ZNF528: variants seen among roughly 807,000 people sequenced by gnomAD.
ZNF528 encodes zinc finger protein 528.
ZNF528 carries 9 observed loss-of-function variants against 13.3 expected under a neutral mutation model. The ratio of observed to expected loss-of-function variants is 0.67; its 90% CI spans 0.41 to 1.18. The LOEUF (loss-of-function observed/expected upper bound fraction) is 1.18. Among genes scored for constraint, ZNF528 ranks in the 50% most tolerant of loss-of-function variants. ZNF528 has a pLI of 0.01. For missense variants in ZNF528, 858 were observed against 745.4 expected (o/e 1.15, Z -1.76); for synonymous variants, 264 against 254.3 (o/e 1.04, Z -0.36).
At chr19:52,407,816 A>G (rs888699278) in intron 6 of ZNF528, among the ~76,000 whole-genome samples, 3 of 151,974 alleles carry the variant, frequency 2.0e-5, no homozygotes, top group African/African-American at 4.8e-5. Context: ...GTTAATTTCA[A>G]CGTTACATGC....
intron 2 of ZNF528, among the ~76,000 whole-genome samples, chr19:52,400,542 G>A (rs2058780683): frequency 6.6e-6 from 1 of 151,880 alleles, no homozygotes; most frequent in African/African-American, 2.4e-5. Flanking sequence ...AATTTTTAGA[G>A]ACAAGGTCTT....
At chr19:52,412,992 C>T (rs917420983) in intron 6 of ZNF528, 5 of 152,200 alleles carry the variant, frequency 3.3e-5, no homozygotes, top group Non-Finnish European at 5.9e-5. Flanking sequence ...TTTGCATTCT[C>T]AAAAGCTAAA....
intron 2 of ZNF528, among the ~76,000 whole-genome samples, chr19:52,401,203 A>G (rs1382669170): frequency 6.6e-6 from 1 of 151,960 alleles, no homozygotes; most frequent in Non-Finnish European, 1.5e-5. Flanking sequence ...CTGCTGGGAC[A>G]TCCACAGGCA....
intron 2 of ZNF528, among the ~76,000 whole-genome samples, chr19:52,398,902 G>C (rs910642442): frequency 1.3e-5 from 2 of 152,114 alleles, no homozygotes; most frequent in African/African-American, 4.8e-5. Flanking sequence ...CCAGAGAGTG[G>C]GGACAGGGGT....
chr19:52,413,668 G>A (rs2058960140), intron 6 of ZNF528: 1 of 152,878 alleles, frequency 6.5e-6, no homozygotes, highest in African/African-American at 2.4e-5. Flanking sequence ...GCTGCAACTG[G>A]AGGGGGTGGT....
intron 6 of ZNF528, chr19:52,414,190 C>T (rs1297685029): frequency 1.4e-6 from 1 of 702,302 alleles, no homozygotes; most frequent in South Asian, 1.5e-5. Context: ...CCCCATTCAC[C>T]TTGTGAATTT....
intron 6 of ZNF528, among the ~76,000 whole-genome samples, chr19:52,407,359 T>C (rs1369823805): frequency 1.3e-5 from 2 of 152,152 alleles, no homozygotes; most frequent in Non-Finnish European, 2.9e-5. Context: ...AGGCTAGTGT[T>C]GAACTCCTGG....
chr19:52,400,126 C>G (rs1315215023), intron 2 of ZNF528, among the ~76,000 whole-genome samples: 1 of 151,972 alleles, frequency 6.6e-6, no homozygotes, highest in Non-Finnish European at 1.5e-5. Context: ...CCCATTCACT[C>G]TCTCCTGATG....
intron 4 of ZNF528, among the ~76,000 whole-genome samples, chr19:52,404,632 T>G (rs542677290): frequency 7.9e-5 from 12 of 151,964 alleles, no homozygotes; most frequent in African/African-American, 2.9e-4. Flanking sequence ...CACTCTTGTC[T>G]GTTGCCCAGG....
At chr19:52,410,366 G>T (rs983685683) in intron 6 of ZNF528, among the ~76,000 whole-genome samples, 2 of 152,162 alleles carry the variant, frequency 1.3e-5, no homozygotes, top group African/African-American at 4.8e-5. Flanking sequence ...TTGTCGGTCA[G>T]CGGCTTGATT....
chr19:52,406,728 C>T (rs777685977), intron 6 of ZNF528, 85 bp downstream of exon 6: 10 of 1,491,326 alleles, frequency 6.7e-6, no homozygotes, highest in South Asian at 1.5e-5. Context: ...GGCTAGAGTG[C>T]GGTGGCAATC....
intron 6 of ZNF528, 172 bp from the exon 7 acceptor site, chr19:52,414,951 TC>T: frequency 6.5e-7 from 1 of 1,531,794 alleles, no homozygotes; most frequent in Middle Eastern, 1.7e-4. Context: ...TCCCCACTGC[TC>T]CAATGCATCA....
rs774383634 is a variant in ZNF528, at chr19:52,415,980, T to G, written c.1128T>G (p.Thr376=). ...SSLITHQLIH[T]GRKPYKCKEC... Reference sequence around the variant, plus strand: ...TCATAACCCATCAGTTAATTCACACTGGAAGGAAACCTTACAAATGTAAAG... The same window carrying G: ...TCATAACCCATCAGTTAATTCACACGGGAAGGAAACCTTACAAATGTAAAG... Residue 376 remains threonine, a synonymous_variant, in exon 7 of 7, where the codon ACT becomes ACG. Coordinates refer to ENST00000360465, the MANE Select transcript of ZNF528 (RefSeq NM_032423.3). 4 of 1,614,122 alleles carry G rather than the reference T, an allele frequency of 2.5e-6. No individual in the cohort carries two copies. The highest frequency in any genetic ancestry group is 3.4e-6 in the Non-Finnish European group (4 of 1,180,014).
At chr19:52,404,981 G>A (rs568634864) in intron 4 of ZNF528, among the ~76,000 whole-genome samples, 120 of 151,782 alleles carry the variant, frequency 7.9e-4, no homozygotes, top group African/African-American at 2.8e-3. Context: ...ACTTTAGGAG[G>A]CCAAGGCAGG....
chr19:52,406,584 G>A lies in ZNF528; in HGVS notation c.212G>A (p.Ser71Asn), dbSNP rs556414375. 68 of 1,614,164 alleles carry A rather than the reference G, an allele frequency of 4.2e-5. No individual in the cohort carries two copies. The highest frequency in any genetic ancestry group is 5.5e-5 in the South Asian group (5 of 91,074). The change falls in exon 6 of 7, where the codon AGT becomes AAT. Residue 71 changes from serine to asparagine, a missense_variant. Ser to Asn is a conservative substitution (Grantham distance 46). Coordinates refer to ENST00000360465, the MANE Select transcript of ZNF528 (RefSeq NM_032423.3). ...EQKRDPWTLQ[S>N]EEKIANDPDG... ...AAGAGAGATCCCTGGACTCTGCAGAGTGAAGAGAAAATAGCAAACGATCCA... is the reference window on the plus strand; with the variant it reads ...AAGAGAGATCCCTGGACTCTGCAGAATGAAGAGAAAATAGCAAACGATCCA...
chr19:52,410,620 TG>T (rs1215202243), intron 6 of ZNF528, among the ~76,000 whole-genome samples: 2 of 152,190 alleles, frequency 1.3e-5, no homozygotes, highest in African/African-American at 4.8e-5. Flanking sequence ...ATCTCCCCTT[TG>T]TGTTTATGTA....
intron 2 of ZNF528, among the ~76,000 whole-genome samples, chr19:52,400,028 C>A (rs1275564726): frequency 6.6e-6 from 1 of 152,128 alleles, no homozygotes; most frequent in Non-Finnish European, 1.5e-5. Flanking sequence ...TCACCTGTCT[C>A]TAGGACTGTG....
rs1414842201 is a variant in ZNF528, at chr19:52,397,871, C to T, written c.-423C>T. On this transcript the variant is annotated 5_prime_UTR_variant, in exon 1 of 7. Coordinates refer to ENST00000360465, the MANE Select transcript of ZNF528 (RefSeq NM_032423.3). ...CGCAGTTTCCGGTAGACCCGGAAGCCGATTGCAGGGAGAAACTGTTTTCGC... is the reference window on the plus strand; with the variant it reads ...CGCAGTTTCCGGTAGACCCGGAAGCTGATTGCAGGGAGAAACTGTTTTCGC... 1 of 152,228 alleles carries T rather than the reference C, an allele frequency of 6.6e-6. No homozygotes were observed. The highest frequency in any genetic ancestry group is 1.5e-5 in the Non-Finnish European group (1 of 68,064). 9.4% of individuals were successfully genotyped at this position (152,228 alleles called of 1,614,324 possible). A position where few individuals can be genotyped will look rare whatever the true frequency, so the allele number is the denominator to read the frequency against.
rs746979320 is a variant in ZNF528, at chr19:52,415,060, TC to T, written c.272-63del. ...GTCAGGTGAGGCAGAATCTAGACCC[TC>T]TGTCAGACACTAAAGATGCCATTAT... On this transcript the variant is annotated intron_variant, in intron 6 of 6. Transcript: ENST00000360465. The T allele has an allele frequency of 2.5e-6, 4 of 1,607,974 alleles. No homozygotes were observed. The African/African-American group carries it at 5.4e-5, about 22-fold the overall frequency.
Sources: gnomAD v4.1 joint callset for allele counts (sites outside exome capture counted in the v4.1 genomes callset) on GRCh38, gnomAD v4.1.1 for gene constraint, MANE v1.5 for transcripts, NCBI Gene and HGNC (gene_info 2026-07-23, HGNC 2026-07-21) for gene names.